The following SLC22A25 variants were observed in gnomAD, a reference collection of about 807,000 sequenced individuals.
SLC22A25 encodes MGI:2442751, MGI:2385316, MGI:3042283, MGI:3645714, MGI:3605624, MGI:2442750.
SLC22A25 carries 44 observed loss-of-function variants against 45.9 expected under a neutral mutation model. The observed-to-expected ratio is 0.96, with a 90% CI of 0.75 to 1.23. The LOEUF is 1.23. Ranked by LOEUF, SLC22A25 falls within the 50% of genes most tolerant of loss-of-function variation. SLC22A25 has a pLI of 0.00. For missense variants in SLC22A25, 800 were observed against 666.4 expected, an observed-to-expected ratio of 1.20 and a Z score of -2.21; for synonymous variants, 283 against 238.6, an observed-to-expected ratio of 1.19 and a Z score of -1.72.
Position 63,217,687 on chromosome 11 carries a change from A to G in SLC22A25, c.555T>C (p.Ile185=), listed in dbSNP as rs749455320. Residue 185 remains isoleucine, a synonymous_variant, in exon 6 of 12, where the codon ATT becomes ATC. Coordinates refer to ENST00000306494, the MANE Select transcript of SLC22A25 (RefSeq NM_199352.6). ...GAGCAAAGGCCGCACAGGTGCCTAC[A>G]ATGGCGAGCTGGAGGTAAGACCATC... is the stretch of plus-strand genomic sequence containing the variant. ...VLRWSYLQLA[I]VGTCAAFAPT... The G allele has an allele frequency of 1.2e-6, 2 of 1,613,882 alleles. No individual in the cohort carries two copies. The highest frequency in any genetic ancestry group is 1.1e-5 in the South Asian group (1 of 91,030).
At chr11:63,205,445 G>A (rs1214002623) in intron 7 of SLC22A25, among the ~76,000 whole-genome samples, 2 of 151,884 alleles carry the variant, frequency 1.3e-5, no homozygotes, top group Non-Finnish European at 2.9e-5. Flanking sequence ...GAATCAAATT[G>A]GCACAATAAA....
chr11:63,200,080 A>T (rs921552452), intron 7 of SLC22A25, among the ~76,000 whole-genome samples: 2 of 152,030 alleles, frequency 1.3e-5, no homozygotes, highest in African/African-American at 4.8e-5. Context: ...AAATGTACAG[A>T]GAAGAGCTGG....
chr11:63,226,944 A>T (rs1489733224), intron 5 of SLC22A25, among the ~76,000 whole-genome samples: 2 of 152,150 alleles, frequency 1.3e-5, no homozygotes, highest in Non-Finnish European at 2.9e-5. Flanking sequence ...GCCCATGTGG[A>T]ATACTTCCAG....
Position 63,219,577 on chromosome 11 carries a change from C to G in SLC22A25, c.507-1842G>C, listed in dbSNP as rs372869149. Among the ~76,000 whole-genome samples the G allele has an allele frequency of 2.5e-4, 38 of 152,198 alleles. No individual in the cohort carries two copies. The South Asian group carries it at 3.7e-3, about 15-fold the overall frequency. ...TTATTAATGAAATTCTACAGTATTT[C>G]TAGTTTGGGGATATCATGAACAGTT... On this transcript the variant is annotated intron_variant, in intron 5 of 11. Transcript: ENST00000306494.
At chr11:63,220,614 C>T (rs2089831583) in intron 5 of SLC22A25, among the ~76,000 whole-genome samples, 1 of 152,188 alleles carries the variant, frequency 6.6e-6, no homozygotes, top group Non-Finnish European at 1.5e-5. Flanking sequence ...CTTTGTGTTA[C>T]AAACAATCCA....
At chr11:63,166,660 A>G (rs930084617) in intron 9 of SLC22A25, 5 of 999,298 alleles carry the variant, frequency 5.0e-6, no homozygotes, top group South Asian at 8.9e-5. Flanking sequence ...AGATCTAAGA[A>G]GCCAAAATTT....
At chr11:63,166,302 C>T (rs2226866) in intron 9 of SLC22A25, 44 bp from the exon 10 acceptor site, 10 of 1,600,096 alleles carry the variant, frequency 6.2e-6, no homozygotes, top group African/African-American at 4.0e-5. Context: ...ATCTGTGGAA[C>T]CTAAATCCTA....
chr11:63,172,767 G>T (rs2087936420), intron 9 of SLC22A25, among the ~76,000 whole-genome samples: 1 of 151,862 alleles, frequency 6.6e-6, no homozygotes, highest in Non-Finnish European at 1.5e-5. Flanking sequence ...TACACTGTTG[G>T]TGGGAGTGTA....
At chr11:63,196,258 C>T (rs997737386) in intron 7 of SLC22A25, among the ~76,000 whole-genome samples, 2 of 152,136 alleles carry the variant, frequency 1.3e-5, no homozygotes, top group Non-Finnish European at 2.9e-5. Context: ...TTTTATGAGG[C>T]CAGCATAATC....
chr11:63,167,325 C>G (rs2087720566), intron 9 of SLC22A25: 1 of 152,478 alleles, frequency 6.6e-6, no homozygotes, highest in Admixed American at 6.5e-5. Flanking sequence ...GAACCATTCA[C>G]TCTCCTGGAG....
At chr11:63,183,950 C>T in intron 7 of SLC22A25, 133 bp from the exon 8 acceptor site, 2 of 1,262,120 alleles carry the variant, frequency 1.6e-6, no homozygotes, top group Non-Finnish European at 2.2e-6. Context: ...AAATAAAAGC[C>T]TACATTCTCT....
At chr11:63,184,847 C>T (rs1292264056) in intron 7 of SLC22A25, among the ~76,000 whole-genome samples, 2 of 152,236 alleles carry the variant, frequency 1.3e-5, no homozygotes, top group East Asian at 1.9e-4. Flanking sequence ...ACATGAATAA[C>T]TCCCAGGCAA....
rs1356904585 is a variant in SLC22A25, at chr11:63,229,676, A to AGAG, written c.-27_-25dup. ...ATTGAGGCTGGACAAGTGATCCCCA[A>AGAG]GAGGAGACAAAATGACTGTATCCAG... On this transcript the variant is annotated 5_prime_UTR_variant, in exon 4 of 12. Transcript: ENST00000306494. 2.5e-6 allele frequency: 4 copies of AGAG among 1,586,662 alleles called. No individual in the cohort carries two copies. The Admixed American group carries it at 6.9e-5, about 27-fold the overall frequency.
At chr11:63,220,625 ATTATACTCTTTT>A (rs2089831963) in intron 5 of SLC22A25, among the ~76,000 whole-genome samples, 1 of 152,168 alleles carries the variant, frequency 6.6e-6, no homozygotes, top group African/African-American at 2.4e-5. Flanking sequence ...AAACAATCCA[ATTATACTCTTTT>A]AGTTATTTTA....
At chr11:63,239,885 T>C (rs1479388700) in intron 1 of SLC22A25, among the ~76,000 whole-genome samples, 1 of 152,048 alleles carries the variant, frequency 6.6e-6, no homozygotes, top group Non-Finnish European at 1.5e-5. Flanking sequence ...TTATAGTGAG[T>C]AAGGGATAGG....
At chr11:63,238,400 G>GT (rs1565131825) in intron 2 of SLC22A25, among the ~76,000 whole-genome samples, 4 of 35,940 alleles carry the variant, frequency 1.1e-4, no homozygotes. Flanking sequence ...CAACCTCCCA[G>GT]TATTTTTAAT....
chr11:63,209,292 G>A (rs2089494439), intron 7 of SLC22A25, among the ~76,000 whole-genome samples: 1 of 152,136 alleles, frequency 6.6e-6, no homozygotes, highest in Non-Finnish European at 1.5e-5. Flanking sequence ...ACCAAAGAAA[G>A]CAGAGGAACC....
At chr11:63,186,628 G>A (rs556361471) in intron 7 of SLC22A25, among the ~76,000 whole-genome samples, 25 of 152,240 alleles carry the variant, frequency 1.6e-4, no homozygotes, top group African/African-American at 5.3e-4. Flanking sequence ...CCATGCCTAT[G>A]TCCTGAATGG....
chr11:63,222,964 T>TG (rs769047954), intron 5 of SLC22A25, among the ~76,000 whole-genome samples: 28 of 152,062 alleles, frequency 1.8e-4, no homozygotes, highest in Non-Finnish European at 3.5e-4. Flanking sequence ...TTTGTATCCC[T>TG]GGTTCAAAAT....
Sources: allele counts gnomAD v4.1 joint callset (sites outside exome capture counted in the v4.1 genomes callset), GRCh38; gene constraint gnomAD v4.1.1; transcripts MANE v1.5; gene names NCBI Gene and HGNC (gene_info 2026-07-23, HGNC 2026-07-21).